RALGPS1: variants seen among roughly 807,000 people sequenced by gnomAD.
RALGPS1 encodes Ral GEF with PH domain and SH3 binding motif 1, also known as ras-specific guanine nucleotide-releasing factor RalGPS1.
In RALGPS1, 19 loss-of-function variants were observed where a neutral mutation model predicts 78.8. The observed-to-expected ratio is 0.24, with a 90% confidence interval of 0.17 to 0.35. The LOEUF (loss-of-function observed/expected upper bound fraction) is 0.35, where lower values mean the gene tolerates loss of function less well. Among genes scored for constraint, RALGPS1 ranks in the 10% least tolerant of loss-of-function variants. The pLI, the probability that RALGPS1 is intolerant of heterozygous loss-of-function variation, is 1.00. For synonymous variants in RALGPS1, 228 were observed against 256.3 expected, an observed-to-expected ratio of 0.89 and a Z score of 1.06; for missense variants, 454 against 688.3, an observed-to-expected ratio of 0.66 and a Z score of 3.81.
chr9:126,923,419 G>A (rs147552899), intron 1 of RALGPS1, among the ~76,000 whole-genome samples: 167 of 152,314 alleles, frequency 1.1e-3, no homozygotes, highest in African/African-American at 3.9e-3. Context: ...CATTGTAGAA[G>A]TCGCAGGTGA....
intron 1 of RALGPS1, among the ~76,000 whole-genome samples, chr9:126,919,227 A>C (rs2034503522): frequency 6.6e-6 from 1 of 152,154 alleles, no homozygotes; most frequent in South Asian, 2.1e-4. Flanking sequence ...CCTTCTTAAT[A>C]AATGTTTTTG....
In RALGPS1 at chr9:126,940,343, C is replaced by T. The variant is rs1386230645; in HGVS notation, c.-65-21882C>T. 3.9e-5 allele frequency among the ~76,000 whole-genome samples: 6 copies of T among 152,184 alleles called. No homozygotes were observed. In the South Asian group the frequency reaches 1.2e-3, roughly 32 times the overall value. ...AGTCCAAGCCACGTAAATTCTGCTACGATCCTGCCACCTGCCACCCCAACA... is the reference window on the plus strand; with the variant it reads ...AGTCCAAGCCACGTAAATTCTGCTATGATCCTGCCACCTGCCACCCCAACA... On this transcript the variant is annotated intron_variant, in intron 1 of 18. Coordinates refer to ENST00000259351, the MANE Select transcript of RALGPS1 (RefSeq NM_014636.3).
intron 11 of RALGPS1, among the ~76,000 whole-genome samples, chr9:127,193,850 TC>T: frequency 6.6e-6 from 1 of 152,236 alleles, no homozygotes; most frequent in Non-Finnish European, 1.5e-5. Flanking sequence ...AGTCACTCTT[TC>T]CCACCCCCAG....
At chr9:127,133,578 G>A (rs763622894) in intron 8 of RALGPS1, among the ~76,000 whole-genome samples, 17 of 152,182 alleles carry the variant, frequency 1.1e-4, no homozygotes, top group Non-Finnish European at 2.2e-4. Context: ...CTCACCCACC[G>A]GCCTGCCCTT....
At chr9:127,186,157 G>A (rs763862008) in intron 11 of RALGPS1, among the ~76,000 whole-genome samples, 3 of 152,180 alleles carry the variant, frequency 2.0e-5, no homozygotes, top group Non-Finnish European at 4.4e-5. Context: ...TGAAAGAAGT[G>A]TAATGAAAAC....
At chr9:127,168,426 G>A (rs2059398970) in intron 9 of RALGPS1, among the ~76,000 whole-genome samples, 1 of 152,162 alleles carries the variant, frequency 6.6e-6, no homozygotes, top group African/African-American at 2.4e-5. Flanking sequence ...AAAAAAACAT[G>A]GTGGCCTCAG....
intron 11 of RALGPS1, among the ~76,000 whole-genome samples, chr9:127,176,752 G>C (rs1018527030): frequency 6.6e-6 from 1 of 152,216 alleles, no homozygotes; most frequent in African/African-American, 2.4e-5. Flanking sequence ...CCTGCTGCCT[G>C]ATTCCATGCT....
At chr9:127,003,341 T>C (rs554842657) in intron 4 of RALGPS1, among the ~76,000 whole-genome samples, 87 of 151,808 alleles carry the variant, frequency 5.7e-4, no homozygotes, top group African/African-American at 2.0e-3. Context: ...TACAATGAAC[T>C]CAAACAAATT....
rs564089626 is a variant in RALGPS1, at chr9:127,072,610, A to T, written c.610+3254A>T. On this transcript the variant is annotated intron_variant, in intron 8 of 18. Coordinates refer to ENST00000259351, the MANE Select transcript of RALGPS1 (RefSeq NM_014636.3). ...GAGATTTGTTTTGTGGCTTAATGTAAGATCGGTTTTTATACATGTTTCATG... is the reference window on the plus strand; with the variant it reads ...GAGATTTGTTTTGTGGCTTAATGTATGATCGGTTTTTATACATGTTTCATG... Among the ~76,000 whole-genome samples, 3 of 152,312 alleles carry T rather than the reference A, an allele frequency of 2.0e-5. No homozygotes were observed. In the East Asian group the frequency reaches 5.8e-4, roughly 29 times the overall value.
chr9:127,106,716 A>C (rs2054252352), intron 8 of RALGPS1, among the ~76,000 whole-genome samples: 1 of 152,060 alleles, frequency 6.6e-6, no homozygotes, highest in South Asian at 2.1e-4. Context: ...AGCTCACCTC[A>C]CCCACCCCAT....
rs2062710681 is a variant in RALGPS1 at position 127,219,206 on chromosome 9, C to G, written c.*437C>G. 4.2e-6 allele frequency: 1 copy of G among 235,630 alleles called. No individual in the cohort carries two copies. Among genetic ancestry groups the G allele is most frequent in the South Asian group, 6.3e-5 (1 of 15,780 alleles). The allele number at this position is 235,630 out of a possible 1,614,324, so 14.6% of individuals were successfully genotyped here. On this transcript the variant is annotated 3_prime_UTR_variant, in exon 19 of 19. Transcript: ENST00000259351. This position sits in a 1 kb window ranked among gnomAD's most constrained non-coding sequence, Gnocchi z 5.0. ...TGCATGGGGTTGCTCGCCCACAGGG[C>G]TGCCTCAGATTTTGTACAACCCCGA...
chr9:127,018,647 G>A (rs201291181), intron 4 of RALGPS1, among the ~76,000 whole-genome samples: 9 of 147,052 alleles, frequency 6.1e-5, no homozygotes, highest in East Asian at 2.0e-4. Flanking sequence ...TAATAATGAT[G>A]ATAATAATAA....
rs980150299 is a variant in RALGPS1, at chr9:126,999,182, TAA to T, written c.216+21438_216+21439del. Among the ~76,000 whole-genome samples the T allele has an allele frequency of 1.8e-4, 27 of 151,788 alleles. No individual in the cohort carries two copies. The Middle Eastern group carries it at 0.017, about 96-fold the overall frequency. ...TAAAGTATAATAATAATAATAATAATAAGTTTCAGATTTCTAGCAAAATTGAA... is the reference window on the plus strand; with the variant it reads ...TAAAGTATAATAATAATAATAATAATGTTTCAGATTTCTAGCAAAATTGAA... On this transcript the variant is annotated intron_variant, in intron 4 of 18. Transcript: ENST00000259351.
intron 18 of RALGPS1, chr9:127,217,075 G>T: frequency 7.1e-7 from 1 of 1,404,082 alleles, no homozygotes; most frequent in Non-Finnish European, 9.3e-7. Flanking sequence ...TCCCTCTTTG[G>T]AGGAGCGGCC....
chr9:127,174,387 G>T (rs2139881988), intron 10 of RALGPS1, among the ~76,000 whole-genome samples: 1 of 152,250 alleles, frequency 6.6e-6, no homozygotes, highest in African/African-American at 2.4e-5. Context: ...CCCCTACTCT[G>T]CCACTTGCTA....
chr9:127,033,918 G>A (rs1050615204), intron 4 of RALGPS1, among the ~76,000 whole-genome samples: 27 of 152,156 alleles, frequency 1.8e-4, no homozygotes, highest in African/African-American at 6.3e-4. Flanking sequence ...GGATTGGAGG[G>A]GCCAACTTCA....
rs1001974248 is a variant in RALGPS1, at chr9:127,211,862, G to A, written c.1248-269G>A. Among the ~76,000 whole-genome samples the A allele has an allele frequency of 1.3e-5, 2 of 152,140 alleles. No homozygotes were observed. The highest frequency in any genetic ancestry group is 4.8e-5 in the African/African-American group (2 of 41,424). ...GTGACAAAAGCATCCCTTAGGGTGG[G>A]GGTGCTGATCAGGGCCTGGGTTATG... On this transcript the variant is annotated intron_variant, in intron 14 of 18. Coordinates refer to ENST00000259351, the MANE Select transcript of RALGPS1 (RefSeq NM_014636.3). This position sits in a 1 kb window ranked among gnomAD's most constrained non-coding sequence, Gnocchi z 5.0.
chr9:127,134,140 A>G (rs1266920452), intron 8 of RALGPS1, among the ~76,000 whole-genome samples: 1 of 152,002 alleles, frequency 6.6e-6, no homozygotes, highest in Admixed American at 6.6e-5. Flanking sequence ...CCACGATGGG[A>G]TGGCTGCCCA....
intron 4 of RALGPS1, among the ~76,000 whole-genome samples, chr9:127,005,118 G>A (rs770073365): frequency 4.6e-5 from 7 of 152,192 alleles, no homozygotes; most frequent in Non-Finnish European, 8.8e-5. Flanking sequence ...TAGCTCACCT[G>A]TCTTCTGGTG....
Sources: gnomAD v4.1 joint callset for allele counts (sites outside exome capture counted in the v4.1 genomes callset) on GRCh38, gnomAD v4.1.1 for gene constraint, Gnocchi (gnomAD v3.1) non-coding constraint, MANE v1.5 for transcripts, NCBI Gene and HGNC (gene_info 2026-07-23, HGNC 2026-07-21) for gene names.